Variants in RYR2 observed in about 807,000 individuals in gnomAD.
RYR2 encodes the protein ryanodine receptor 2.
A neutral mutation model predicts 601.1 loss-of-function variants in RYR2; 227 were observed. The observed-to-expected ratio is 0.38, with a 90% confidence interval of 0.34 to 0.42. The LOEUF (loss-of-function observed/expected upper bound fraction) is 0.42. RYR2 is among the 10% of genes least tolerant of loss of function. The pLI is 1.00. For missense variants in RYR2, 4,646 were observed against 6,156.5 expected, an observed-to-expected ratio of 0.75 and a Z score of 8.21; for synonymous variants, 2,223 against 2,175.1, an observed-to-expected ratio of 1.02 and a Z score of -0.61.
At chr1:237,783,456 T>C (rs1695292452) in intron 89 of RYR2, among the ~76,000 whole-genome samples, 1 of 152,206 alleles carries the variant, frequency 6.6e-6, no homozygotes, top group African/African-American at 2.4e-5. Context: ...TTGAAATATT[T>C]TATGTGTGTC....
At chr1:237,617,179 AAG>A (rs1678570694) in intron 37 of RYR2, 105 bp from the exon 38 acceptor site, 4 of 1,024,386 alleles carry the variant, frequency 3.9e-6, no homozygotes, top group Non-Finnish European at 5.6e-6. Context: ...TTCTGTTTCT[AAG>A]AGAGAAGAGT....
At chr1:237,397,073 T>A (rs913683258) in intron 10 of RYR2, among the ~76,000 whole-genome samples, 1 of 152,068 alleles carries the variant, frequency 6.6e-6, no homozygotes, top group African/African-American at 2.4e-5. Context: ...AAGACCAGCC[T>A]GGCCAACATG....
intron 1 of RYR2, among the ~76,000 whole-genome samples, chr1:237,115,696 A>G (rs1412415116): frequency 6.6e-6 from 1 of 152,212 alleles, no homozygotes; most frequent in Non-Finnish European, 1.5e-5. Flanking sequence ...GCGTGAAGGT[A>G]TCCGTGCCTC....
At chr1:237,350,048 G>T (rs1698626606) in intron 3 of RYR2, among the ~76,000 whole-genome samples, 1 of 151,954 alleles carries the variant, frequency 6.6e-6, no homozygotes, top group South Asian at 2.1e-4. Context: ...ATGAAAATAT[G>T]ATAAATATAA....
chr1:237,420,102 C>G (rs1184982478), intron 11 of RYR2, among the ~76,000 whole-genome samples: 1 of 152,092 alleles, frequency 6.6e-6, no homozygotes, highest in Non-Finnish European at 1.5e-5. Context: ...ACTGCATACT[C>G]TTACACATGA....
intron 1 of RYR2, among the ~76,000 whole-genome samples, chr1:237,248,081 GGGTA>G (rs1477492364): frequency 2.6e-5 from 4 of 152,076 alleles, no homozygotes; most frequent in African/African-American, 9.7e-5. Flanking sequence ...AGCCCAGCCT[GGGTA>G]ACATGGTGAA....
rs60777199 is a variant in RYR2 at position 237,702,067 on chromosome 1, T to A, written c.9449+8T>A. On this transcript the variant is annotated splice_region_variant and intron_variant, in intron 66 of 104. Coordinates refer to ENST00000366574, the MANE Select transcript of RYR2 (RefSeq NM_001035.3). ...GAGTATTTACGTGGAGAGGTAAGAA[T>A]GTTTAAAGTTTAACTTTGTATTAAT... The A allele has an allele frequency of 4.2e-3, 6,381 of 1,517,426 alleles. 218 individuals are homozygous for A. In the African/African-American group the frequency reaches 0.074, roughly 18 times the overall value. 94.0% of individuals were successfully genotyped at this position (1,517,426 alleles called of 1,614,324 possible).
At chr1:237,209,071 T>C (rs1420925669) in intron 1 of RYR2, among the ~76,000 whole-genome samples, 1 of 132,000 alleles carries the variant, frequency 7.6e-6, no homozygotes. Flanking sequence ...GTAACACTTA[T>C]ATATAAAAAT....
At chr1:237,787,108 A>T (rs2149363368) in intron 91 of RYR2, among the ~76,000 whole-genome samples, 1 of 152,228 alleles carries the variant, frequency 6.6e-6, no homozygotes, top group African/African-American at 2.4e-5. Flanking sequence ...AGGATATCAA[A>T]TGTCAATTCT....
intron 1 of RYR2, among the ~76,000 whole-genome samples, chr1:237,189,998 A>C (rs1054765532): frequency 6.6e-6 from 1 of 151,568 alleles, no homozygotes; most frequent in Non-Finnish European, 1.5e-5. Context: ...TCAGCCTCCC[A>C]AGTAGCTGAG....
chr1:237,423,041 C>T (rs1705753586), intron 11 of RYR2, 51 bp from the exon 12 acceptor site: 2 of 1,570,014 alleles, frequency 1.3e-6, no homozygotes, highest in East Asian at 2.3e-5. Flanking sequence ...AATAGCTACT[C>T]CTTCTGTGAT....
At chr1:237,702,136 T>C in intron 66 of RYR2, 77 bp downstream of exon 66, 1 of 829,174 alleles carries the variant, frequency 1.2e-6, no homozygotes, top group Non-Finnish European at 2.0e-6. Flanking sequence ...GAATCTTCAT[T>C]TCATAACCTG....
chr1:237,267,354 A>G (rs188195729), intron 1 of RYR2, among the ~76,000 whole-genome samples: 61 of 152,274 alleles, frequency 4.0e-4, no homozygotes, highest in Admixed American at 3.5e-3. Context: ...CCCTGTCTCT[A>G]CTAAGAATAC....
intron 103 of RYR2, 109 bp downstream of exon 103, chr1:237,830,739 T>G: frequency 1.6e-6 from 1 of 617,054 alleles, no homozygotes; most frequent in Non-Finnish European, 2.9e-6. Context: ...AAATAATTGC[T>G]GCAGATACTT....
At chr1:237,611,911 A>G (rs1193836628) in intron 36 of RYR2, among the ~76,000 whole-genome samples, 1 of 152,156 alleles carries the variant, frequency 6.6e-6, no homozygotes, top group East Asian at 1.9e-4. Context: ...TGATCTAGCA[A>G]TTCTACTCCT....
At chr1:237,644,793 A>G (rs1032954899) in intron 48 of RYR2, among the ~76,000 whole-genome samples, 2 of 152,100 alleles carry the variant, frequency 1.3e-5, no homozygotes, top group African/African-American at 4.8e-5. Flanking sequence ...GCACTTTGGG[A>G]GGCCAAGGCA....
intron 27 of RYR2, among the ~76,000 whole-genome samples, chr1:237,552,312 C>A (rs1453413159): frequency 6.6e-6 from 1 of 151,842 alleles, no homozygotes; most frequent in African/African-American, 2.4e-5. Flanking sequence ...TAGAATAAAC[C>A]CTCAAAGCTA....
intron 94 of RYR2, among the ~76,000 whole-genome samples, chr1:237,793,153 G>C (rs897109239): frequency 6.6e-6 from 1 of 152,184 alleles, no homozygotes; most frequent in African/African-American, 2.4e-5. Context: ...TGCAGAAGAC[G>C]TGTGAAAAAC....
chr1:237,098,571 T>C (rs144737159), intron 1 of RYR2, among the ~76,000 whole-genome samples: 2 of 152,292 alleles, frequency 1.3e-5, no homozygotes, highest in East Asian at 3.9e-4. Context: ...ATGTGGTATA[T>C]ATACACAGTG....
Sources: gnomAD v4.1 joint callset for allele counts (sites outside exome capture counted in the v4.1 genomes callset) on GRCh38, gnomAD v4.1.1 for gene constraint, MANE v1.5 for transcripts, NCBI Gene and HGNC (gene_info 2026-07-23, HGNC 2026-07-21) for gene names.